The following ASAP1 variants were observed in gnomAD, a reference collection of about 807,000 sequenced individuals.
ASAP1 encodes arf-GAP with SH3 domain, ANK repeat and PH domain-containing protein 1.
ASAP1 carries 43 observed loss-of-function variants against 145.2 expected under a neutral mutation model. The observed-to-expected ratio is 0.30, with a 90% confidence interval of 0.23 to 0.38. The LOEUF (loss-of-function observed/expected upper bound fraction) is 0.38, where lower values mean the gene tolerates loss of function less well. Among genes scored for constraint, ASAP1 ranks in the 10% least tolerant of loss-of-function variants. The pLI, the probability that ASAP1 is intolerant of heterozygous loss-of-function variation, is 1.00. For synonymous variants in ASAP1, 546 were observed against 515.5 expected (o/e 1.06, Z -0.80); for missense variants, 1,018 against 1,355.3 (o/e 0.75, Z 3.91).
intron 12 of ASAP1, among the ~76,000 whole-genome samples, chr8:130,153,359 G>GTATATATATA (rs1208128915): frequency 1.0e-4 from 3 of 28,910 alleles, no homozygotes; most frequent in African/African-American, 2.1e-4. Flanking sequence ...ATATATATAT[G>GTATATATATA]TATATATATA....
At chr8:130,072,824 T>TGCGCGCGCGCGCGCGCGCGCGC (rs71303498) in intron 27 of ASAP1, among the ~76,000 whole-genome samples, 3 of 32,286 alleles carry the variant, frequency 9.3e-5, no homozygotes, top group Admixed American at 3.6e-4. Flanking sequence ...TGTGTGTGTG[T>TGCGCGCGCGCGCGCGCGCGCGC]GCGCGCGGGG....
At chr8:130,150,565 G>T (rs572676843) in intron 13 of ASAP1, among the ~76,000 whole-genome samples, 1 of 152,182 alleles carries the variant, frequency 6.6e-6, no homozygotes, top group Non-Finnish European at 1.5e-5. Flanking sequence ...GCAGCAGAAG[G>T]CAAAGAGAGT....
intron 3 of ASAP1, among the ~76,000 whole-genome samples, chr8:130,260,098 A>G (rs542061457): frequency 6.6e-6 from 1 of 152,338 alleles, no homozygotes; most frequent in Non-Finnish European, 1.5e-5. Context: ...CCCATTAAGA[A>G]TCTATGTTTT....
intron 4 of ASAP1, among the ~76,000 whole-genome samples, chr8:130,218,496 T>C (rs940738526): frequency 8.5e-5 from 13 of 152,184 alleles, no homozygotes; most frequent in African/African-American, 3.1e-4. Context: ...GCCATTATCC[T>C]GAATTGAAAT....
intron 1 of ASAP1, among the ~76,000 whole-genome samples, chr8:130,404,471 A>C (rs1828937252): frequency 6.6e-6 from 1 of 152,262 alleles, no homozygotes; most frequent in Non-Finnish European, 1.5e-5. Flanking sequence ...ATCAAAGATC[A>C]TGATCTTCCT....
intron 2 of ASAP1, among the ~76,000 whole-genome samples, chr8:130,391,694 C>A (rs1374528888): frequency 6.6e-6 from 1 of 152,228 alleles, no homozygotes; most frequent in East Asian, 1.9e-4. Flanking sequence ...CTTCAAGGCA[C>A]TCAGAGTATG....
chr8:130,063,118 T>G (rs1162021581), intron 27 of ASAP1, among the ~76,000 whole-genome samples: 1 of 152,210 alleles, frequency 6.6e-6, no homozygotes, highest in Admixed American at 6.5e-5. Context: ...AGATGAAAGA[T>G]ATACACTAAC....
intron 15 of ASAP1, among the ~76,000 whole-genome samples, chr8:130,130,417 T>C (rs552197148): frequency 2.6e-5 from 4 of 152,288 alleles, no homozygotes; most frequent in Admixed American, 6.5e-5. Context: ...TTTGTCATGA[T>C]AATCAGAAAA....
At chr8:130,256,236 G>C (rs1819505597) in intron 3 of ASAP1, among the ~76,000 whole-genome samples, 1 of 152,078 alleles carries the variant, frequency 6.6e-6, no homozygotes, top group Non-Finnish European at 1.5e-5. Flanking sequence ...CTTTTTCCTT[G>C]AAGATGCACA....
At chr8:130,186,860 T>C (rs1027056568) in intron 7 of ASAP1, among the ~76,000 whole-genome samples, 8 of 152,194 alleles carry the variant, frequency 5.3e-5, no homozygotes, top group Non-Finnish European at 7.3e-5. Context: ...TGTCACAGTA[T>C]TAGCTGTTAC....
At chr8:130,183,535 T>C (rs931216526) in intron 7 of ASAP1, among the ~76,000 whole-genome samples, 2 of 151,948 alleles carry the variant, frequency 1.3e-5, no homozygotes, top group African/African-American at 4.8e-5. Flanking sequence ...AGAGACAAGG[T>C]TTTGCCACGT....
At chr8:130,190,761 C>A (rs967213387) in intron 5 of ASAP1, among the ~76,000 whole-genome samples, 2 of 152,132 alleles carry the variant, frequency 1.3e-5, no homozygotes, top group African/African-American at 4.8e-5. Context: ...TGTGATCCAC[C>A]CTCCTTGGCC....
At chr8:130,251,550 C>T (rs1819199659) in intron 3 of ASAP1, among the ~76,000 whole-genome samples, 1 of 152,040 alleles carries the variant, frequency 6.6e-6, no homozygotes, top group Non-Finnish European at 1.5e-5. Flanking sequence ...CAGATACTAT[C>T]AGCAAAAAGA....
At chr8:130,262,397 A>G (rs1819957124) in intron 3 of ASAP1, among the ~76,000 whole-genome samples, 1 of 92,876 alleles carries the variant, frequency 1.1e-5, no homozygotes, top group South Asian at 4.8e-4. Flanking sequence ...CATCTCAAAA[A>G]AAAAAAAAAA....
Position 130,331,233 on chromosome 8 carries a change from C to T in ASAP1, c.186+26784G>A, listed in dbSNP as rs970189908. 1.5e-4 allele frequency among the ~76,000 whole-genome samples: 23 copies of T among 152,142 alleles called. 1 individual carries two copies. The highest frequency in any genetic ancestry group is 2.6e-4 in the Admixed American group (4 of 15,270). On this transcript the variant is annotated intron_variant, in intron 3 of 29. Coordinates refer to ENST00000518721, the MANE Select transcript of ASAP1 (RefSeq NM_018482.4). ...GGAAAGAGCGAGTAGGGCCCTATTA[C>T]CCCTTAGACCATTCTCTGGAAGGTT...
intron 23 of ASAP1, among the ~76,000 whole-genome samples, chr8:130,114,769 A>AT (rs60433249): frequency 0.29 from 38,624 of 134,876 alleles, 6,348 homozygotes; most frequent in East Asian, 0.65. Flanking sequence ...TTGAAGGTTA[A>AT]TTTTTTTTTT....
chr8:130,086,539 C>G (rs754488115), intron 25 of ASAP1, among the ~76,000 whole-genome samples: 5 of 152,176 alleles, frequency 3.3e-5, no homozygotes, highest in Admixed American at 6.5e-5. Flanking sequence ...TGTGGTGGCT[C>G]ATGCCGGTAG....
intron 5 of ASAP1, among the ~76,000 whole-genome samples, chr8:130,193,629 T>C (rs1385375933): frequency 1.3e-5 from 2 of 152,190 alleles, no homozygotes; most frequent in African/African-American, 4.8e-5. Context: ...TTCAACTCTT[T>C]GTTCCAAATT....
At chr8:130,149,482 G>C (rs1203846483) in intron 13 of ASAP1, among the ~76,000 whole-genome samples, 2 of 152,108 alleles carry the variant, frequency 1.3e-5, no homozygotes, top group Non-Finnish European at 2.9e-5. Flanking sequence ...AAGCTGGGGA[G>C]ATGAATCACC....
Sources: allele counts gnomAD v4.1 joint callset (sites outside exome capture counted in the v4.1 genomes callset), GRCh38; gene constraint gnomAD v4.1.1; transcripts MANE v1.5; gene names NCBI Gene and HGNC (gene_info 2026-07-23, HGNC 2026-07-21).